The following RXFP2 variants were observed in gnomAD, a reference collection of about 807,000 sequenced individuals.
RXFP2 encodes the protein relaxin receptor 2.
In RXFP2, 68 loss-of-function variants were observed where a neutral mutation model predicts 88.6. The ratio of observed to expected loss-of-function variants is 0.77; its 90% CI spans 0.63 to 0.94. The LOEUF (loss-of-function observed/expected upper bound fraction) is 0.94. RXFP2 is among the 40% of genes least tolerant of loss of function. The probability of loss-of-function intolerance (pLI) is 0.00; values close to 1 mark genes in which losing one functional copy is unlikely to be tolerated. For synonymous variants in RXFP2, 329 were observed against 306.8 expected (o/e 1.07, Z -0.76); for missense variants, 791 against 893.9 (o/e 0.88, Z 1.47).
chr13:31,797,233 T>G lies in RXFP2; in HGVS notation c.1819T>G (p.Phe607Val), dbSNP rs756872135. ...CTTGCTGGCTTTTCTCATCATTGTGTTTTCCTATATTACTATGTTCTGTTC... is the reference window on the plus strand; with the variant it reads ...CTTGCTGGCTTTTCTCATCATTGTGGTTTCCTATATTACTATGTTCTGTTC... The part of the protein sequence containing the change: ...VNLLAFLIIV[F>V]SYITMFCSIQ... Residue 607 changes from phenylalanine (F) to valine (V), a missense_variant, in exon 17 of 18, where the codon TTT (phenylalanine) becomes GTT (valine). By Grantham distance (50) the Phe-to-Val change is conservative. Transcript: ENST00000298386. The G allele has an allele frequency of 8.1e-6, 13 of 1,613,718 alleles. No homozygotes were observed. Among genetic ancestry groups the G allele is most frequent in the Non-Finnish European group, 1.1e-5 (13 of 1,179,722 alleles).
chr13:31,776,577 T>C (rs1222207564), intron 7 of RXFP2, among the ~76,000 whole-genome samples: 1 of 152,064 alleles, frequency 6.6e-6, no homozygotes, highest in Non-Finnish European at 1.5e-5. Context: ...TTTCTTAATT[T>C]TCCTAGACCT....
chr13:31,765,102 T>C lies in RXFP2; in HGVS notation c.385T>C (p.Leu129=), dbSNP rs1209938822. The C allele has an allele frequency of 1.2e-6, 2 of 1,611,268 alleles. No individual in the cohort carries two copies. The highest frequency in any genetic ancestry group is 1.7e-6 in the Non-Finnish European group (2 of 1,177,602). Residue 129 remains leucine (L), a synonymous_variant, in exon 4 of 18, where the codon TTA becomes CTA. Transcript: ENST00000298386. ...ETELECVNGD[L]KSVPMISNNV... ...TGAATTGGAATGTGTAAATGGTGAC[T>C]TAAAGTCTGTGCCGATGATTTCTAA...
chr13:31,769,041 C>G (rs967725920), intron 5 of RXFP2, among the ~76,000 whole-genome samples: 4 of 152,168 alleles, frequency 2.6e-5, no homozygotes, highest in Non-Finnish European at 5.9e-5. Flanking sequence ...TTCATTCACT[C>G]CTGTGATGAA....
In RXFP2 at chr13:31,756,715, A is replaced by T. The variant is rs188235567; in HGVS notation, c.95-1543A>T. Among the ~76,000 whole-genome samples, 888 of 147,102 alleles carry T rather than the reference A, an allele frequency of 6.0e-3. 7 individuals are homozygous for T. The highest frequency in any genetic ancestry group is 8.9e-3 in the Non-Finnish European group (600 of 67,222). ...TGGCTCGCTGCAACCTCTGCCCCCC[A>T]AGTTCAAGCAACTCTTCTGCCTCAG... On this transcript the variant is annotated intron_variant, in intron 1 of 17. Coordinates refer to ENST00000298386, the MANE Select transcript of RXFP2 (RefSeq NM_130806.5).
intron 1 of RXFP2, among the ~76,000 whole-genome samples, chr13:31,751,749 C>T (rs1413515365): frequency 6.6e-6 from 1 of 152,152 alleles, no homozygotes; most frequent in African/African-American, 2.4e-5. Context: ...AAACCAAGTT[C>T]CCATCGGGCT....
intron 9 of RXFP2, among the ~76,000 whole-genome samples, 168 bp from the exon 10 acceptor site, chr13:31,781,503 G>A (rs1191471713): frequency 6.6e-6 from 1 of 151,952 alleles, no homozygotes; most frequent in African/African-American, 2.4e-5. Context: ...TAGTTGGAAG[G>A]GGGAAAGAAG....
chr13:31,785,692 C>T, intron 11 of RXFP2, among the ~76,000 whole-genome samples: 1 of 152,038 alleles, frequency 6.6e-6, no homozygotes, highest in East Asian at 1.9e-4. Flanking sequence ...AGTTAGGCAA[C>T]TGTATATCTG....
intron 16 of RXFP2, among the ~76,000 whole-genome samples, chr13:31,793,339 T>A (rs1873883847): frequency 6.6e-6 from 1 of 152,116 alleles, no homozygotes; most frequent in Non-Finnish European, 1.5e-5. Context: ...ATCCATAAGA[T>A]CCTTTGATTT....
chr13:31,761,264 G>A (rs1371871501), intron 2 of RXFP2, among the ~76,000 whole-genome samples: 4 of 152,054 alleles, frequency 2.6e-5, no homozygotes, highest in Non-Finnish European at 5.9e-5. Context: ...AAAAGCCTTT[G>A]AGAAACTTTG....
intron 2 of RXFP2, among the ~76,000 whole-genome samples, chr13:31,761,105 C>T (rs767239294): frequency 2.6e-5 from 4 of 152,006 alleles, no homozygotes; most frequent in Non-Finnish European, 4.4e-5. Flanking sequence ...CAGGTGCGCA[C>T]CACCACACCC....
intron 7 of RXFP2, among the ~76,000 whole-genome samples, 172 bp downstream of exon 7, chr13:31,775,561 G>A (rs973777504): frequency 6.6e-6 from 1 of 152,162 alleles, no homozygotes; most frequent in African/African-American, 2.4e-5. Flanking sequence ...TCAAGTAGTG[G>A]TTATGTGCCT....
At chr13:31,747,044 C>T (rs1342838699) in intron 1 of RXFP2, among the ~76,000 whole-genome samples, 2 of 152,214 alleles carry the variant, frequency 1.3e-5, no homozygotes, top group East Asian at 1.9e-4. Flanking sequence ...TTTCCTGTTT[C>T]CCACTTTAAA....
chr13:31,758,126 T>C, intron 1 of RXFP2, 132 bp from the exon 2 acceptor site: 2 of 905,186 alleles, frequency 2.2e-6, no homozygotes, highest in Non-Finnish European at 3.6e-6. Context: ...GAGAATATTA[T>C]TCAAAGAAAC....
At chr13:31,773,280 T>C (rs1195550916) in intron 5 of RXFP2, among the ~76,000 whole-genome samples, 1 of 152,192 alleles carries the variant, frequency 6.6e-6, no homozygotes, top group Non-Finnish European at 1.5e-5. Context: ...AGGATTGAAA[T>C]TGATGCTTTG....
intron 8 of RXFP2, among the ~76,000 whole-genome samples, chr13:31,778,291 G>A (rs566049074): frequency 3.3e-5 from 5 of 151,980 alleles, no homozygotes; most frequent in Non-Finnish European, 7.4e-5. Context: ...TCTATTCCTA[G>A]GATATGTATC....
intron 1 of RXFP2, among the ~76,000 whole-genome samples, chr13:31,743,501 T>C (rs184685781): frequency 6.6e-6 from 1 of 151,994 alleles, no homozygotes; most frequent in East Asian, 1.9e-4. Flanking sequence ...AGAATTGCGA[T>C]TGAAAATTTA....
chr13:31,791,230 G>A (rs1448469408), intron 14 of RXFP2, among the ~76,000 whole-genome samples: 1 of 152,106 alleles, frequency 6.6e-6, no homozygotes, highest in Admixed American at 6.6e-5. Flanking sequence ...ACTCCTTCCA[G>A]ACCCTGGTAA....
At chr13:31,745,857 T>C (rs9548936) in intron 1 of RXFP2, among the ~76,000 whole-genome samples, 36,483 of 152,036 alleles carry the variant, frequency 0.24, 4,589 homozygotes, top group South Asian at 0.42. Context: ...TTTTCAAAGA[T>C]TGGATATGGG....
At chr13:31,768,987 T>C (rs1270868797) in intron 5 of RXFP2, among the ~76,000 whole-genome samples, 3 of 152,196 alleles carry the variant, frequency 2.0e-5, no homozygotes, top group Admixed American at 6.5e-5. Flanking sequence ...ACTCTTGGTA[T>C]GGAATCTGGT....
Sources: allele counts gnomAD v4.1 joint callset (sites outside exome capture counted in the v4.1 genomes callset), GRCh38; gene constraint gnomAD v4.1.1; transcripts MANE v1.5; gene names NCBI Gene and HGNC (gene_info 2026-07-23, HGNC 2026-07-21).